GPHN: variants seen among roughly 807,000 people sequenced by gnomAD.
GPHN encodes gephyrin.
GPHN carries 17 observed loss-of-function variants against 95.5 expected under a neutral mutation model. That is an observed-to-expected ratio of 0.18 (90% confidence interval 0.12 to 0.27). The LOEUF is 0.27. Ranked by LOEUF, GPHN falls within the 10% of genes least tolerant of loss-of-function variation. The probability of loss-of-function intolerance (pLI) is 1.00; values close to 1 mark genes in which losing one functional copy is unlikely to be tolerated. For missense variants in GPHN, 660 were observed against 978.1 expected (o/e 0.67, Z 4.34); for synonymous variants, 320 against 322.5 (o/e 0.99, Z 0.08).
At chr14:67,625,106 A>G in the GPHN span, among the ~76,000 whole-genome samples, 45 of 152,328 alleles carry the variant, frequency 3.0e-4, no homozygotes, top group Middle Eastern at 3.4e-3. Flanking sequence ...CAAGTCAGTA[A>G]GGAAAGAATA....
the GPHN span, among the ~76,000 whole-genome samples, chr14:67,483,124 C>T: frequency 6.6e-6 from 1 of 152,096 alleles, no homozygotes; most frequent in East Asian, 1.9e-4. Flanking sequence ...AATTCTCATG[C>T]CTCAGCCTCC....
At chr14:66,900,034 T>G (rs936247165) in intron 5 of GPHN, among the ~76,000 whole-genome samples, 1 of 151,952 alleles carries the variant, frequency 6.6e-6, no homozygotes, top group African/African-American at 2.4e-5. Flanking sequence ...GTTGTCTAAT[T>G]TATGTATATA....
At chr14:67,428,983 A>G in the GPHN span, among the ~76,000 whole-genome samples, 1 of 152,218 alleles carries the variant, frequency 6.6e-6, no homozygotes, top group Non-Finnish European at 1.5e-5. Context: ...TTTTCCCATT[A>G]GAGTCAAATG....
the GPHN span, among the ~76,000 whole-genome samples, chr14:67,619,506 G>A: frequency 6.6e-6 from 1 of 152,222 alleles, no homozygotes; most frequent in Non-Finnish European, 1.5e-5. Context: ...GCTTTGACTA[G>A]GCAGGGCCAG....
chr14:67,385,311 G>C, the GPHN span: 2 of 152,062 alleles, frequency 1.3e-5, no homozygotes, highest in African/African-American at 2.4e-5. Flanking sequence ...TTGAATTTCT[G>C]CCAGGCATGG....
At chr14:67,327,294 G>T in the GPHN span, among the ~76,000 whole-genome samples, 2 of 152,174 alleles carry the variant, frequency 1.3e-5, no homozygotes, top group East Asian at 3.9e-4. Flanking sequence ...AGAATTGCCG[G>T]ATCAAGTGAG....
rs11390341 is a variant in GPHN at position 66,538,781 on chromosome 14, G to GTTT, written c.64+30200_64+30202dup. On this transcript the variant is annotated intron_variant, in intron 1 of 22. Transcript: ENST00000478722. ...TCTTGATTACAGGTCATTTTTTCTT[G>GTTT]TTTTTTTTTTTTCACATATATTGTA... is the stretch of plus-strand genomic sequence containing the variant. Among the ~76,000 whole-genome samples, 337 of 130,166 alleles carry GTTT rather than the reference G, an allele frequency of 2.6e-3. 2 individuals are homozygous for GTTT. The highest frequency in any genetic ancestry group is 8.4e-3 in the African/African-American group (318 of 37,954). 85.4% of individuals were successfully genotyped at this position (130,166 alleles called of 152,430 possible).
the GPHN span, among the ~76,000 whole-genome samples, chr14:67,406,406 G>T: frequency 6.6e-6 from 1 of 152,184 alleles, no homozygotes. Flanking sequence ...CTGGGGCTCA[G>T]TCTTCCTGGT....
At chr14:67,187,114 A>G in the GPHN span, among the ~76,000 whole-genome samples, 1 of 152,178 alleles carries the variant, frequency 6.6e-6, no homozygotes, top group Admixed American at 6.5e-5. Flanking sequence ...CGTGCTCACA[A>G]ATATACAGGC....
chr14:67,323,998 T>C, the GPHN span, among the ~76,000 whole-genome samples: 2 of 152,222 alleles, frequency 1.3e-5, no homozygotes, highest in Non-Finnish European at 2.9e-5. Flanking sequence ...CTTTCCAAAG[T>C]TGGGGCATCT....
chr14:67,592,946 C>T, the GPHN span, among the ~76,000 whole-genome samples: 9 of 151,998 alleles, frequency 5.9e-5, no homozygotes, highest in Admixed American at 5.9e-4. Flanking sequence ...CCACCATGCC[C>T]GGCTAATTTT....
intron 9 of GPHN, among the ~76,000 whole-genome samples, chr14:67,021,881 C>A (rs147254122): frequency 8.5e-5 from 13 of 152,184 alleles, no homozygotes; most frequent in Non-Finnish European, 1.8e-4. Context: ...TGGGTTTGGG[C>A]TCCTTCTGTT....
chr14:67,160,955 C>G lies in GPHN; in HGVS notation c.1910+1467C>G, dbSNP rs572354727. On this transcript the variant is annotated intron_variant, in intron 19 of 22. Coordinates refer to ENST00000478722, the MANE Select transcript of GPHN (RefSeq NM_020806.5). ...TTCTGTAGTTGCATGTTGAGCATGC[C>G]CCAATATGGCTGCTGCTGATAGGGC... 1.7e-4 allele frequency among the ~76,000 whole-genome samples: 26 copies of G among 152,180 alleles called. No homozygotes were observed. In the South Asian group the frequency reaches 5.4e-3, roughly 32 times the overall value.
chr14:66,986,555 A>G (rs1315825545), intron 9 of GPHN, among the ~76,000 whole-genome samples: 1 of 152,154 alleles, frequency 6.6e-6, no homozygotes, highest in Non-Finnish European at 1.5e-5. Context: ...TATGAAACAC[A>G]GACCAATCAC....
chr14:66,581,995 G>T (rs538583710), intron 1 of GPHN, among the ~76,000 whole-genome samples: 1 of 151,938 alleles, frequency 6.6e-6, no homozygotes, highest in Non-Finnish European at 1.5e-5. Flanking sequence ...GACAAAAAAT[G>T]ATATAGAACT....
the GPHN span, among the ~76,000 whole-genome samples, chr14:67,716,266 G>A: frequency 6.6e-6 from 1 of 151,850 alleles, no homozygotes; most frequent in Admixed American, 6.6e-5. Flanking sequence ...TGTGACTGCT[G>A]TACAGAAAAG....
chr14:67,491,690 C>A, the GPHN span, among the ~76,000 whole-genome samples: 1 of 152,208 alleles, frequency 6.6e-6, no homozygotes, highest in Non-Finnish European at 1.5e-5. Flanking sequence ...TTACTCAAAG[C>A]CCCCAGTTCT....
At chr14:67,546,874 A>G in the GPHN span, among the ~76,000 whole-genome samples, 2 of 152,034 alleles carry the variant, frequency 1.3e-5, no homozygotes, top group African/African-American at 2.4e-5. Flanking sequence ...AAGGATATAT[A>G]TATATTTTTT....
the GPHN span, among the ~76,000 whole-genome samples, chr14:67,348,519 TA>T: frequency 6.6e-6 from 1 of 150,462 alleles, no homozygotes. Context: ...CTGACTTCTT[TA>T]TTTTTTTATT....
Sources: gnomAD v4.1 joint callset for allele counts (sites outside exome capture counted in the v4.1 genomes callset) on GRCh38, gnomAD v4.1.1 for gene constraint, MANE v1.5 for transcripts, NCBI Gene and HGNC (gene_info 2026-07-23, HGNC 2026-07-21) for gene names.